Variants in ANK2 observed in about 807,000 individuals in gnomAD.
The protein encoded by ANK2 is ankyrin-2.
In ANK2, 83 loss-of-function variants were observed where a neutral mutation model predicts 360.5. That is an observed-to-expected ratio of 0.23 (90% CI 0.19 to 0.28). The LOEUF is 0.28. ANK2 is among the 10% of genes least tolerant of loss of function. The probability of loss-of-function intolerance (pLI) is 1.00; values close to 1 mark genes in which losing one functional copy is unlikely to be tolerated. For missense variants in ANK2, 4,201 were observed against 4,795.7 expected, an observed-to-expected ratio of 0.88 and a Z score of 3.66; for synonymous variants, 1,740 against 1,759.5, an observed-to-expected ratio of 0.99 and a Z score of 0.28.
intron 32 of ANK2, among the ~76,000 whole-genome samples, chr4:113,339,678 T>G (rs2094020620): frequency 6.6e-6 from 1 of 152,266 alleles, no homozygotes; most frequent in Admixed American, 6.5e-5. Flanking sequence ...TCCAACAGAA[T>G]GATAACAGCA....
At chr4:113,193,489 T>C (rs1364980783) in intron 2 of ANK2, among the ~76,000 whole-genome samples, 2 of 152,194 alleles carry the variant, frequency 1.3e-5, no homozygotes, top group Non-Finnish European at 2.9e-5. Context: ...AAAAGATATA[T>C]GGGCGTAAGG....
chr4:112,947,690 A>T (rs1300321752), intron 2 of ANK2, among the ~76,000 whole-genome samples: 1 of 152,222 alleles, frequency 6.6e-6, no homozygotes, highest in Non-Finnish European at 1.5e-5. Context: ...ACCTTCAGCA[A>T]TTTATATAAT....
rs1214199731 is a variant in ANK2 at position 113,258,473 on chromosome 4, G to A, written c.1386+62G>A. 4 of 1,506,426 alleles carry A rather than the reference G, an allele frequency of 2.7e-6. No homozygotes were observed. The Admixed American group carries it at 6.7e-5, about 25-fold the overall frequency. 93.3% of individuals were successfully genotyped at this position (1,506,426 alleles called of 1,614,324 possible). On this transcript the variant is annotated intron_variant, in intron 13 of 45. Coordinates refer to ENST00000357077, the MANE Select transcript of ANK2 (RefSeq NM_001148.6). ...AAGAGCGAGAGGAACAGAGATTGTG[G>A]GTGTGTGTATGTGTGTTTGCGTGTA... is the stretch of plus-strand genomic sequence containing the variant.
intron 1 of ANK2, among the ~76,000 whole-genome samples, chr4:113,161,271 C>T (rs899118906): frequency 6.6e-6 from 1 of 152,110 alleles, no homozygotes; most frequent in Non-Finnish European, 1.5e-5. Context: ...GTAATAACTA[C>T]GTGGATTTTT....
At chr4:112,819,360 A>AT (rs958105125) in intron 1 of ANK2, among the ~76,000 whole-genome samples, 1 of 152,152 alleles carries the variant, frequency 6.6e-6, no homozygotes, top group Non-Finnish European at 1.5e-5. Context: ...GAAAATCTTT[A>AT]TTTTTTAAAG....
In ANK2 at chr4:113,336,021, G is replaced by A; in HGVS notation, c.3555G>A (p.Glu1185=). The A allele has an allele frequency of 6.2e-7, 1 of 1,614,120 alleles. No homozygotes were observed. The highest frequency in any genetic ancestry group is 8.5e-7 in the Non-Finnish European group (1 of 1,180,018). Residue 1185 remains glutamate (E), a synonymous_variant, in exon 30 of 46, where the codon GAG becomes GAA. Coordinates refer to ENST00000357077, the MANE Select transcript of ANK2 (RefSeq NM_001148.6). ...CCCAGGTGCAGGCCGTCTTCCCAGA[G>A]GGGGCACTCACCAAGCGGATCCGCG... ...VVPQVQAVFP[E]GALTKRIRVG... is the part of the protein sequence containing the mutation.
At chr4:113,048,430 A>ATTTTTTTTTTTTT (rs61689467), upstream of ANK2, among the ~76,000 whole-genome samples, 1 of 129,740 alleles carries the variant, frequency 7.7e-6, no homozygotes, top group Non-Finnish European at 1.6e-5. Flanking sequence ...CACCTGGCTA[A>ATTTTTTTTTTTTT]TTTTTTTTTT....
At chr4:112,867,346 G>A (rs1194380042) in intron 1 of ANK2, among the ~76,000 whole-genome samples, 1 of 151,572 alleles carries the variant, frequency 6.6e-6, no homozygotes, top group Admixed American at 6.6e-5. Flanking sequence ...TATGCCTTAT[G>A]TTTTTTCCTC....
chr4:113,350,672 A>T (rs967066305), intron 37 of ANK2: 3 of 179,180 alleles, frequency 1.7e-5, no homozygotes, highest in African/African-American at 4.8e-5. Context: ...TGTAGGATAC[A>T]CCTGCAAAAG....
chr4:113,228,928 G>A lies in ANK2; in HGVS notation c.385-3233G>A, dbSNP rs74367714. 7.4e-3 allele frequency among the ~76,000 whole-genome samples: 1,132 copies of A among 152,234 alleles called. 10 individuals are homozygous for A. Among genetic ancestry groups the A allele is most frequent in the African/African-American group, 0.012 (501 of 41,534 alleles). ...AAAATTAGACATCCTGGAATGCTTG[G>A]AGTTGCACACAGGACTGTGATGAGG... On this transcript the variant is annotated intron_variant, in intron 4 of 45. Coordinates refer to ENST00000357077, the MANE Select transcript of ANK2 (RefSeq NM_001148.6).
At chr4:113,154,079 A>G (rs1208116420) in intron 1 of ANK2, among the ~76,000 whole-genome samples, 2 of 152,210 alleles carry the variant, frequency 1.3e-5, no homozygotes, top group African/African-American at 4.8e-5. Context: ...TTTAGAGGCA[A>G]TTAAAGTAGC....
chr4:112,770,454 C>G, the ANK2 span, among the ~76,000 whole-genome samples: 1 of 152,150 alleles, frequency 6.6e-6, no homozygotes, highest in Non-Finnish European at 1.5e-5. Flanking sequence ...GCCTCTAATC[C>G]CAGCACTTTG....
At chr4:112,948,502 C>T (rs192878964) in intron 2 of ANK2, among the ~76,000 whole-genome samples, 48 of 152,126 alleles carry the variant, frequency 3.2e-4, no homozygotes, top group Middle Eastern at 6.8e-3. Context: ...GAACAGAATC[C>T]GGAAGGAAAT....
At chr4:113,100,383 A>T (rs974650120) in intron 1 of ANK2, among the ~76,000 whole-genome samples, 2 of 152,176 alleles carry the variant, frequency 1.3e-5, no homozygotes, top group Non-Finnish European at 2.9e-5. Context: ...GATGCTGGAC[A>T]TTACATCTCA....
At chr4:112,745,602 C>T in the ANK2 span, among the ~76,000 whole-genome samples, 4 of 146,702 alleles carry the variant, frequency 2.7e-5, no homozygotes, top group East Asian at 4.0e-4. Flanking sequence ...GGCACGACCT[C>T]GGCTCACTGC....
chr4:112,836,808 C>G (rs917900962), intron 1 of ANK2, among the ~76,000 whole-genome samples: 6 of 152,154 alleles, frequency 3.9e-5, no homozygotes, highest in Non-Finnish European at 7.3e-5. Flanking sequence ...CTGGTTTTTC[C>G]TGAAAGTGCA....
At chr4:112,958,151 T>C (rs2031925505) in intron 2 of ANK2, among the ~76,000 whole-genome samples, 1 of 138,902 alleles carries the variant, frequency 7.2e-6, no homozygotes, top group South Asian at 2.4e-4. Context: ...TCCCAGACGA[T>C]GGGCGGCCAG....
chr4:113,379,527 C>T (rs1368933259), intron 45 of ANK2, among the ~76,000 whole-genome samples: 3 of 152,084 alleles, frequency 2.0e-5, no homozygotes, highest in Non-Finnish European at 4.4e-5. Flanking sequence ...ATAATGGAGG[C>T]TTAACCCCTG....
At chr4:113,350,426 AC>A in intron 37 of ANK2, 177 bp downstream of exon 37, 1 of 538,454 alleles carries the variant, frequency 1.9e-6, no homozygotes, top group Non-Finnish European at 3.2e-6. Flanking sequence ...TTACAAATAT[AC>A]CTAATTTGCG....
Sources: allele counts gnomAD v4.1 joint callset (sites outside exome capture counted in the v4.1 genomes callset), GRCh38; gene constraint gnomAD v4.1.1; transcripts MANE v1.5; gene names NCBI Gene and HGNC (gene_info 2026-07-23, HGNC 2026-07-21).